BIRC6: variants seen among roughly 807,000 people sequenced by gnomAD.
BIRC6 encodes the protein dual E2 ubiquitin-conjugating enzyme/E3 ubiquitin-protein ligase BIRC6.
BIRC6 carries 98 observed loss-of-function variants against 503.3 expected under a neutral mutation model. The ratio of observed to expected loss-of-function variants is 0.19; its 90% CI spans 0.17 to 0.23. The LOEUF (loss-of-function observed/expected upper bound fraction) is 0.23. Among genes scored for constraint, BIRC6 ranks in the 10% least tolerant of loss-of-function variants. BIRC6 has a pLI of 1.00. For synonymous variants in BIRC6, 2,240 were observed against 2,078.7 expected (o/e 1.08, Z -2.11); for missense variants, 5,360 against 5,806.0 (o/e 0.92, Z 2.50).
chr2:32,380,653 G>A (rs1019323966), intron 3 of BIRC6, among the ~76,000 whole-genome samples: 1 of 152,088 alleles, frequency 6.6e-6, no homozygotes, highest in Non-Finnish European at 1.5e-5. Flanking sequence ...TTGAACCCAG[G>A]AGGCGGAGTT....
chr2:32,514,024 A>G (rs1029124748), intron 54 of BIRC6, among the ~76,000 whole-genome samples: 7 of 104,842 alleles, frequency 6.7e-5, no homozygotes, highest in African/African-American at 2.5e-4. Flanking sequence ...GCCTCACGCC[A>G]CTGTACCCCA....
chr2:32,425,025 C>G (rs537339617), intron 10 of BIRC6, among the ~76,000 whole-genome samples: 8 of 151,548 alleles, frequency 5.3e-5, no homozygotes, highest in African/African-American at 1.9e-4. Context: ...AGCATTTCTT[C>G]ATGTGTTTAT....
At chr2:32,368,189 T>C (rs1028832352) in intron 1 of BIRC6, among the ~76,000 whole-genome samples, 6 of 152,096 alleles carry the variant, frequency 3.9e-5, no homozygotes, top group African/African-American at 1.4e-4. Flanking sequence ...CTGTTTTTTT[T>C]TTCTTCTTCT....
chr2:32,508,273 G>A lies in BIRC6; in HGVS notation c.9980+14G>A. 3.8e-6 allele frequency: 2 copies of A among 531,188 alleles called. No homozygotes were observed. The allele number at this position is 531,188 out of a possible 1,614,324, so 32.9% of individuals were successfully genotyped here. ...ATCCAAAACAAGGTATGTTTTGTTT[G>A]TCCTTTTTTTTTTTTTTTTTTTTTT... On this transcript the variant is annotated intron_variant, in intron 51 of 73. Transcript: ENST00000421745.
intron 66 of BIRC6, among the ~76,000 whole-genome samples, chr2:32,578,810 A>G (rs974864245): frequency 7.3e-6 from 1 of 137,566 alleles, no homozygotes; most frequent in Admixed American, 6.9e-5. Flanking sequence ...AAAAATACAT[A>G]CATACATACA....
intron 10 of BIRC6, among the ~76,000 whole-genome samples, chr2:32,425,774 G>A (rs993529824): frequency 2.6e-5 from 4 of 152,174 alleles, no homozygotes; most frequent in South Asian, 4.1e-4. Context: ...TCTCAGAAGG[G>A]TGAAACCCAG....
At chr2:32,582,051 G>T (rs1559100888) in intron 66 of BIRC6, among the ~76,000 whole-genome samples, 1 of 152,050 alleles carries the variant, frequency 6.6e-6, no homozygotes, top group Non-Finnish European at 1.5e-5. Flanking sequence ...TAGAGAGGGG[G>T]TTTCACCGTG....
intron 62 of BIRC6, 47 bp from the exon 63 acceptor site, chr2:32,545,596 G>A (rs755753302): frequency 2.0e-6 from 3 of 1,484,482 alleles, no homozygotes; most frequent in Non-Finnish European, 2.8e-6. Context: ...CTTCTTATGT[G>A]TTTTTAACTG....
chr2:32,573,493 G>C (rs2060056713), intron 65 of BIRC6, among the ~76,000 whole-genome samples: 1 of 152,134 alleles, frequency 6.6e-6, no homozygotes, highest in Admixed American at 6.5e-5. Flanking sequence ...ACCGCGCCCT[G>C]CCAGTAAATG....
rs753110712 is a variant in BIRC6, at chr2:32,545,895, A to C, written c.12810+35A>C. The C allele has an allele frequency of 1.9e-6, 3 of 1,566,284 alleles. No homozygotes were observed. In the East Asian group the frequency reaches 6.8e-5, roughly 35 times the overall value. On this transcript the variant is annotated intron_variant, in intron 63 of 73. Transcript: ENST00000421745. The stretch of plus-strand genomic sequence containing the variant: ...CTTTTAATTATTTCAGTTATTAAAA[A>C]AACTAGATTTAATTAGGGAGTACAG...
intron 67 of BIRC6, 30 bp downstream of exon 67, chr2:32,594,090 T>C: frequency 6.3e-7 from 1 of 1,591,244 alleles, no homozygotes; most frequent in South Asian, 1.2e-5. Flanking sequence ...ATGCCACTTT[T>C]CATTTGATGT....
At chr2:32,376,928 C>T (rs1006011073) in intron 1 of BIRC6, among the ~76,000 whole-genome samples, 3 of 152,100 alleles carry the variant, frequency 2.0e-5, no homozygotes, top group Non-Finnish European at 4.4e-5. Flanking sequence ...TGTTTTTGGG[C>T]TTCTATTGAC....
intron 66 of BIRC6, among the ~76,000 whole-genome samples, chr2:32,588,700 TAGAAA>T (rs2061217911): frequency 6.6e-6 from 1 of 152,202 alleles, no homozygotes; most frequent in Non-Finnish European, 1.5e-5. Flanking sequence ...TTTAGACTGT[TAGAAA>T]AGACAGAACT....
chr2:32,440,751 T>TTTTTTTTTATTATTATTA (rs773312894), intron 16 of BIRC6, among the ~76,000 whole-genome samples: 2 of 147,150 alleles, frequency 1.4e-5, no homozygotes, highest in Admixed American at 1.4e-4. Flanking sequence ...TGTTTATTTA[T>TTTTTTTTTATTATTATTA]TTATTATTAT....
At position 32,525,550 on chromosome 2, in the gene BIRC6, G is replaced by A. The variant is rs769310069; in HGVS notation, c.11842G>A (p.Gly3948Arg). ...RRGRTIPDKI[G>R]STSGAEAANK... ...GGGGAGGACAATACCTGATAAAATAGGAAGTACTTCAGGAGCAGAGGCTGC... is the reference window on the plus strand; with the variant it reads ...GGGGAGGACAATACCTGATAAAATAAGAAGTACTTCAGGAGCAGAGGCTGC... The change falls in exon 59 of 74, where the codon GGA becomes AGA. Residue 3948 changes from glycine (G) to arginine (R), a missense_variant. Coordinates refer to ENST00000421745, the MANE Select transcript of BIRC6 (RefSeq NM_016252.4). The A allele has an allele frequency of 1.2e-5, 19 of 1,613,824 alleles. No individual in the cohort carries two copies. The East Asian group carries it at 1.6e-4, about 13-fold the overall frequency.
chr2:32,459,295 T>C (rs2047576440), intron 23 of BIRC6, among the ~76,000 whole-genome samples: 1 of 152,202 alleles, frequency 6.6e-6, no homozygotes, highest in Non-Finnish European at 1.5e-5. Context: ...TGGCTGAATA[T>C]TCCATTTTGT....
At chr2:32,429,125 A>T in intron 10 of BIRC6, 21 bp from the exon 11 acceptor site, 1 of 1,559,604 alleles carries the variant, frequency 6.4e-7, no homozygotes. Context: ...TCATGTATCT[A>T]TGAAATTTAC....
intron 53 of BIRC6, among the ~76,000 whole-genome samples, chr2:32,512,080 A>G (rs949686875): frequency 3.3e-5 from 5 of 152,158 alleles, no homozygotes; most frequent in Non-Finnish European, 2.9e-5. Context: ...TAAAACATGA[A>G]TGTTTGTTAT....
intron 5 of BIRC6, among the ~76,000 whole-genome samples, chr2:32,393,628 T>G (rs576569505): frequency 1.3e-4 from 20 of 152,156 alleles, no homozygotes; most frequent in Non-Finnish European, 1.8e-4. Context: ...CAAACAATTC[T>G]CCCACCTTAG....
Sources: gnomAD v4.1 joint callset for allele counts (sites outside exome capture counted in the v4.1 genomes callset) on GRCh38, gnomAD v4.1.1 for gene constraint, MANE v1.5 for transcripts, NCBI Gene and HGNC (gene_info 2026-07-23, HGNC 2026-07-21) for gene names.